STX8: variants seen among roughly 807,000 people sequenced by gnomAD.
STX8 encodes syntaxin-8.
In STX8, 23 loss-of-function variants were observed where a neutral mutation model predicts 37.5. The ratio of observed to expected loss-of-function variants is 0.61; its 90% confidence interval spans 0.44 to 0.87. The LOEUF is 0.87. STX8 is among the 40% of genes least tolerant of loss of function. The pLI is 0.00. For missense variants in STX8, 313 were observed against 284.7 expected, an observed-to-expected ratio of 1.10 and a Z score of -0.71; for synonymous variants, 115 against 99.1, an observed-to-expected ratio of 1.16 and a Z score of -0.95.
intron 7 of STX8, among the ~76,000 whole-genome samples, chr17:9,251,799 G>T (rs1906588601): frequency 6.6e-6 from 1 of 152,200 alleles, no homozygotes; most frequent in Admixed American, 6.5e-5. Context: ...TGTGGATCAG[G>T]CCATACCAAT....
chr17:9,261,180 G>A (rs368709144), intron 7 of STX8, among the ~76,000 whole-genome samples: 50 of 152,168 alleles, frequency 3.3e-4, no homozygotes, highest in Admixed American at 5.2e-4. Context: ...TCAGGTGGCC[G>A]TGGAGCAGCA....
At chr17:9,517,836 G>A (rs1290188324) in intron 4 of STX8, among the ~76,000 whole-genome samples, 2 of 145,454 alleles carry the variant, frequency 1.4e-5, no homozygotes, top group Non-Finnish European at 1.5e-5. Context: ...AGGCAGCCTT[G>A]AAGAATGCGT....
intron 2 of STX8, among the ~76,000 whole-genome samples, chr17:9,559,761 T>TATA (rs1491338614): frequency 9.7e-4 from 6 of 6,186 alleles, no homozygotes; most frequent in Non-Finnish European, 2.2e-3. Flanking sequence ...TATATATATA[T>TATA]TTTTTTTTTT....
intron 6 of STX8, among the ~76,000 whole-genome samples, chr17:9,393,203 T>A (rs1225275510): frequency 6.6e-6 from 1 of 152,174 alleles, no homozygotes; most frequent in Non-Finnish European, 1.5e-5. Context: ...TAGCACCAGT[T>A]TTAAAGTGCT....
At chr17:9,412,361 CCT>C (rs1464723191) in intron 6 of STX8, among the ~76,000 whole-genome samples, 4 of 151,906 alleles carry the variant, frequency 2.6e-5, no homozygotes, top group Non-Finnish European at 4.4e-5. Context: ...CTCACTGCAA[CCT>C]CTGTCTCCCA....
chr17:9,336,408 C>T (rs4239100), intron 7 of STX8, among the ~76,000 whole-genome samples: 149,023 of 151,832 alleles, frequency 0.98, 73,183 homozygotes, highest in Non-Finnish European at 1. Context: ...CCCTTCCTCC[C>T]TTCCTTCCCC....
At chr17:9,262,592 G>T (rs928123569) in intron 7 of STX8, among the ~76,000 whole-genome samples, 1 of 150,666 alleles carries the variant, frequency 6.6e-6, no homozygotes, top group African/African-American at 2.4e-5. Context: ...TTGTTTTTTT[G>T]TTTTTTTTGA....
Position 9,345,848 on chromosome 17 carries a change from C to CTTTTTTTTTTTTTTTTTTTTTTTTTT in STX8, c.643+32703_643+32704insAAAAAAAAAAAAAAAAAAAAAAAAAA, listed in dbSNP as rs545020159. Reference sequence around the variant, plus strand: ...CATTATACCTCCGGGTTATGCATTCCTTTTTTTTTTTTTTTTTTTTGAGAT... The same window carrying CTTTTTTTTTTTTTTTTTTTTTTTTTT: ...CATTATACCTCCGGGTTATGCATTCCTTTTTTTTTTTTTTTTTTTTTTTTTTTTTTTTTTTTTTTTTTTTTTGAGAT... On this transcript the variant is annotated intron_variant, in intron 7 of 7. Transcript: ENST00000306357. Among the ~76,000 whole-genome samples the CTTTTTTTTTTTTTTTTTTTTTTTTTT allele has an allele frequency of 3.8e-5, 2 of 52,078 alleles. 1 individual carries two copies. Among genetic ancestry groups the CTTTTTTTTTTTTTTTTTTTTTTTTTT allele is most frequent in the Non-Finnish European group, 6.9e-5 (2 of 29,120 alleles). 34.2% of individuals were successfully genotyped at this position (52,078 alleles called of 152,430 possible). A position where few individuals can be genotyped will look rare whatever the true frequency, so the allele number is the denominator to read the frequency against.
chr17:9,365,090 G>A (rs535911103), intron 7 of STX8, among the ~76,000 whole-genome samples: 236 of 151,608 alleles, frequency 1.6e-3, no homozygotes, highest in Admixed American at 3.2e-3. Flanking sequence ...CAGGCCTGGC[G>A]TCTGCCTAGA....
chr17:9,545,459 G>A (rs1259740909), intron 3 of STX8, among the ~76,000 whole-genome samples, 177 bp from the exon 4 acceptor site: 2 of 152,168 alleles, frequency 1.3e-5, no homozygotes, highest in Non-Finnish European at 2.9e-5. Flanking sequence ...TCACCAGGCC[G>A]TCAGGTAAAG....
chr17:9,455,242 G>A (rs1393222479), intron 6 of STX8, among the ~76,000 whole-genome samples: 1 of 151,326 alleles, frequency 6.6e-6, no homozygotes. Flanking sequence ...GCTCACGCCT[G>A]TAATCCTAGC....
intron 6 of STX8, among the ~76,000 whole-genome samples, chr17:9,472,205 G>C (rs1438561059): frequency 6.6e-6 from 1 of 152,062 alleles, no homozygotes; most frequent in East Asian, 1.9e-4. Flanking sequence ...GTGTCCACTG[G>C]TCATCCCTCT....
In STX8 at chr17:9,385,319, TTCTC is replaced by T. The variant is rs538844403; in HGVS notation, c.542-6670_542-6667del. 1.2e-3 allele frequency among the ~76,000 whole-genome samples: 186 copies of T among 152,302 alleles called. 3 individuals are homozygous for T. Among genetic ancestry groups the T allele is most frequent in the African/African-American group, 3.7e-3 (155 of 41,568 alleles). ...GGACATTTTTATGATCCACGCCTCATTCTCTATCAAGAGAAATTTTCTGTTCATC... is the reference window on the plus strand; with the variant it reads ...GGACATTTTTATGATCCACGCCTCATTATCAAGAGAAATTTTCTGTTCATC... On this transcript the variant is annotated intron_variant, in intron 6 of 7. Transcript: ENST00000306357.
At chr17:9,292,087 G>C (rs1908330217) in intron 7 of STX8, among the ~76,000 whole-genome samples, 1 of 152,252 alleles carries the variant, frequency 6.6e-6, no homozygotes, top group Non-Finnish European at 1.5e-5. Context: ...CTAGAGCTAA[G>C]GAAGAAGCTG....
At chr17:9,482,524 A>G (rs1193312017) in intron 6 of STX8, among the ~76,000 whole-genome samples, 1 of 152,200 alleles carries the variant, frequency 6.6e-6, no homozygotes, top group African/African-American at 2.4e-5. Flanking sequence ...TCACCAGTAC[A>G]TGATTAATTC....
intron 3 of STX8, chr17:9,556,774 T>TACATAC (rs1906989250): frequency 1.2e-5 from 1 of 86,704 alleles, no homozygotes; most frequent in Admixed American, 1.4e-4. Flanking sequence ...TATATATATA[T>TACATAC]ATATATATAT....
At chr17:9,561,106 GA>G (rs1001789232) in intron 2 of STX8, among the ~76,000 whole-genome samples, 49 of 151,778 alleles carry the variant, frequency 3.2e-4, no homozygotes, top group African/African-American at 1.1e-3. Context: ...CAAAATAACA[GA>G]AAAAAAGCTT....
At chr17:9,461,459 G>T (rs1905384282) in intron 6 of STX8, 1 of 152,176 alleles carries the variant, frequency 6.6e-6, no homozygotes, top group African/African-American at 2.4e-5. Flanking sequence ...GCTAGAGATA[G>T]AGACAGAAGC....
At chr17:9,555,953 T>C (rs77804669) in intron 3 of STX8, among the ~76,000 whole-genome samples, 3,966 of 152,080 alleles carry the variant, frequency 0.026, 179 homozygotes, top group African/African-American at 0.09. Context: ...TTAGGACTTG[T>C]TGATTTGGGT....
Sources: allele counts gnomAD v4.1 joint callset (sites outside exome capture counted in the v4.1 genomes callset), GRCh38; gene constraint gnomAD v4.1.1; transcripts MANE v1.5; gene names NCBI Gene and HGNC (gene_info 2026-07-23, HGNC 2026-07-21).